The following RBM33 variants were observed in gnomAD, a reference collection of about 807,000 sequenced individuals.
RBM33 encodes the protein RNA binding motif protein 33.
RBM33 carries 28 observed loss-of-function variants against 132.6 expected under a neutral mutation model. That is an observed-to-expected ratio of 0.21 (90% CI 0.16 to 0.29). The LOEUF (loss-of-function observed/expected upper bound fraction) is 0.29, where lower values mean the gene tolerates loss of function less well. RBM33 is among the 10% of genes least tolerant of loss of function. The pLI is 1.00. For missense variants in RBM33, 1,291 were observed against 1,518.5 expected, an observed-to-expected ratio of 0.85 and a Z score of 2.49; for synonymous variants, 634 against 593.0, an observed-to-expected ratio of 1.07 and a Z score of -1.01.
rs1799308661 is a variant in RBM33 at position 155,680,528 on chromosome 7, T to C, written c.249-62T>C. Reference sequence around the variant, plus strand: ...ATCTTTGTAACAGCTATTTATATAATGATTTAGTTTGAGCTCCTCTCTTCA... The same window carrying C: ...ATCTTTGTAACAGCTATTTATATAACGATTTAGTTTGAGCTCCTCTCTTCA... On this transcript the variant is annotated intron_variant, in intron 4 of 17. Transcript: ENST00000401878. 2.6e-6 allele frequency: 3 copies of C among 1,139,874 alleles called. No individual in the cohort carries two copies. The East Asian group carries it at 7.7e-5, about 29-fold the overall frequency. The allele number at this position is 1,139,874 out of a possible 1,614,324, so 70.6% of individuals were successfully genotyped here.
intron 6 of RBM33, among the ~76,000 whole-genome samples, chr7:155,704,310 C>A (rs550727605): frequency 1.3e-5 from 2 of 152,240 alleles, no homozygotes; most frequent in African/African-American, 4.8e-5. Flanking sequence ...TTAAACCTTA[C>A]AGAAAAAGAT....
At chr7:155,683,787 GTTTA>G (rs2116928417) in intron 5 of RBM33, among the ~76,000 whole-genome samples, 1 of 152,266 alleles carries the variant, frequency 6.6e-6, no homozygotes, top group South Asian at 2.1e-4. Context: ...AGTGCAATCA[GTTTA>G]TTTAAGGCCT....
chr7:155,758,286 G>A (rs1308601109), intron 14 of RBM33, among the ~76,000 whole-genome samples: 1 of 152,180 alleles, frequency 6.6e-6, no homozygotes, highest in Non-Finnish European at 1.5e-5. Context: ...GATATCATTT[G>A]TTGCTATATA....
chr7:155,734,222 G>A (rs1263509370), intron 9 of RBM33, among the ~76,000 whole-genome samples: 5 of 152,244 alleles, frequency 3.3e-5, no homozygotes, highest in African/African-American at 2.4e-5. Context: ...GGCAGGCGGT[G>A]CTCCTCCTCC....
rs148732755 is a variant in RBM33, at chr7:155,693,263, C to T, written c.568-7510C>T. Among the ~76,000 whole-genome samples the T allele has an allele frequency of 4.0e-3, 610 of 151,854 alleles. 5 individuals carry two copies. Among genetic ancestry groups the T allele is most frequent in the African/African-American group, 0.014 (597 of 41,446 alleles). Reference sequence around the variant, plus strand: ...GACAGGGAAACATAAGGTGGTTAAACGCCGACCCTTGAATTTGGAAGGCAA... The same window carrying T: ...GACAGGGAAACATAAGGTGGTTAAATGCCGACCCTTGAATTTGGAAGGCAA... On this transcript the variant is annotated intron_variant, in intron 5 of 17. Transcript: ENST00000401878.
chr7:155,689,319 T>C (rs1030698946), intron 5 of RBM33, among the ~76,000 whole-genome samples: 3 of 152,210 alleles, frequency 2.0e-5, no homozygotes, highest in Admixed American at 6.5e-5. Context: ...GGTGGTGATA[T>C]CCGCTTTATC....
intron 14 of RBM33, among the ~76,000 whole-genome samples, chr7:155,748,398 AC>A (rs1801587757): frequency 6.6e-6 from 1 of 152,170 alleles, no homozygotes; most frequent in Admixed American, 6.5e-5. Flanking sequence ...CCATTCAAGA[AC>A]TTGTGCTCTG....
chr7:155,708,831 C>T (rs896387869), intron 7 of RBM33, among the ~76,000 whole-genome samples: 1 of 152,160 alleles, frequency 6.6e-6, no homozygotes, highest in South Asian at 2.1e-4. Flanking sequence ...TATTCACTCC[C>T]CATCCCAGAG....
chr7:155,673,940 G>GTTGTTGTTTTTTTT lies in RBM33; in HGVS notation c.171+1027_171+1028insGTTGTTTTTTTTTT. Among the ~76,000 whole-genome samples, 64 of 54,186 alleles carry GTTGTTGTTTTTTTT rather than the reference G, an allele frequency of 1.2e-3. 1 individual carries two copies. The highest frequency in any genetic ancestry group is 5.1e-3 in the African/African-American group (62 of 12,116). The allele number at this position is 54,186 out of a possible 152,430, so 35.5% of individuals were successfully genotyped here. On this transcript the variant is annotated intron_variant, in intron 3 of 17. Coordinates refer to ENST00000401878, the MANE Select transcript of RBM33 (RefSeq NM_053043.3). ...TCATTATCAAGATAGTTTAGGCTTA[G>GTTGTTGTTTTTTTT]TTTTTTTTTTTTTTTTTTTTTTTTT... is the stretch of plus-strand genomic sequence containing the variant.
rs200990819 is a variant in RBM33 at position 155,692,060 on chromosome 7, A to AAT, written c.568-8712_568-8711insTA. 4.2e-3 allele frequency among the ~76,000 whole-genome samples: 636 copies of AAT among 152,114 alleles called. 6 individuals carry two copies. Among genetic ancestry groups the AAT allele is most frequent in the African/African-American group, 0.015 (605 of 41,464 alleles). On this transcript the variant is annotated intron_variant, in intron 5 of 17. Transcript: ENST00000401878. ...AGTGAGACCCTCTGTCCAAAAAAAA[A>AAT]AAAAGAAAATTTTTTTTTTCTTTGA...
Position 155,776,005 on chromosome 7 carries a change from C to T in RBM33, c.*964C>T, listed in dbSNP as rs898570091. ...CCAGCAGGGCTGCCCTGTTCATCAGCGGATGTTCACTCTGGCCTGCCGTTC... is the reference window on the plus strand; with the variant it reads ...CCAGCAGGGCTGCCCTGTTCATCAGTGGATGTTCACTCTGGCCTGCCGTTC... On this transcript the variant is annotated 3_prime_UTR_variant, in exon 18 of 18. Transcript: ENST00000401878. The surrounding 1 kb of genome is among the most constrained non-coding windows in gnomAD (Gnocchi z 4.0). 1.3e-4 allele frequency: 20 copies of T among 152,316 alleles called. No individual in the cohort carries two copies. The highest frequency in any genetic ancestry group is 3.9e-4 in the African/African-American group (16 of 41,532). 9.4% of individuals were successfully genotyped at this position (152,316 alleles called of 1,614,324 possible). A position where few individuals can be genotyped will look rare whatever the true frequency, so the allele number is the denominator to read the frequency against.
At chr7:155,738,616 G>A (rs1388442093) in intron 11 of RBM33, 1 of 568,758 alleles carries the variant, frequency 1.8e-6, no homozygotes, top group African/African-American at 1.9e-5. Context: ...TCATTTTTTG[G>A]GAATTGAAAA....
intron 16 of RBM33, among the ~76,000 whole-genome samples, chr7:155,769,566 G>A (rs539761323): frequency 3.7e-4 from 56 of 152,200 alleles, no homozygotes; most frequent in Non-Finnish European, 4.3e-4. Flanking sequence ...TTTGCAGAGC[G>A]GATCTCAGCC....
chr7:155,718,994 T>C (rs1489048819), intron 9 of RBM33, among the ~76,000 whole-genome samples: 8 of 152,228 alleles, frequency 5.3e-5, no homozygotes, highest in African/African-American at 1.9e-4. Flanking sequence ...CATTCACTTA[T>C]ACACACACAG....
intron 2 of RBM33, among the ~76,000 whole-genome samples, chr7:155,665,854 G>A (rs574910316): frequency 1.6e-4 from 25 of 152,306 alleles, no homozygotes; most frequent in African/African-American, 5.8e-4. Flanking sequence ...ACACAGTGGG[G>A]CTTAATCTGG....
intron 5 of RBM33, among the ~76,000 whole-genome samples, chr7:155,682,003 C>T (rs1799350292): frequency 6.6e-6 from 1 of 151,974 alleles, no homozygotes; most frequent in Admixed American, 6.6e-5. Context: ...TCACTGCAAC[C>T]TCCACCTTCT....
At position 155,774,914 on chromosome 7, in the gene RBM33, C is replaced by T; in HGVS notation, c.3465-79C>T. 1 of 1,362,682 alleles carries T rather than the reference C, an allele frequency of 7.3e-7. No individual in the cohort carries two copies. Among genetic ancestry groups the T allele is most frequent in the Non-Finnish European group, 1.0e-6 (1 of 953,958 alleles). 84.4% of individuals were successfully genotyped at this position (1,362,682 alleles called of 1,614,324 possible). ...TTTATTAAACAGGACCCACCGGGCT[C>T]TTTTAGTTTCCTCCCACCTTGGTAG... is the stretch of plus-strand genomic sequence containing the variant. On this transcript the variant is annotated intron_variant, in intron 17 of 17. Coordinates refer to ENST00000401878, the MANE Select transcript of RBM33 (RefSeq NM_053043.3). This position sits in a 1 kb window ranked among gnomAD's most constrained non-coding sequence, Gnocchi z 4.2.
chr7:155,739,930 G>T lies in RBM33; in HGVS notation c.1953G>T (p.Pro651=), dbSNP rs750565338. Residue 651 remains proline, a synonymous_variant, in exon 12 of 18, where the codon CCG becomes CCT. Transcript: ENST00000401878. The part of the protein sequence containing the change: ...HLSVPPPPLM[P]MSQPQFRPHV... ...CCGTCCCGCCCCCTCCTTTGATGCC[G>T]ATGTCTCAGCCACAGTTCCGGCCTC... The T allele has an allele frequency of 6.4e-7, 1 of 1,551,404 alleles. No homozygotes were observed. The highest frequency in any genetic ancestry group is 1.2e-5 in the South Asian group (1 of 84,038).
In RBM33 at chr7:155,742,207, T is replaced by G. The variant is rs983685204; in HGVS notation, c.2337+101T>G. ...CTCTCACTAAGTTATTCACAAAATCTTCCCACTTTTTTCACCTGGGTCTTT... is the reference window on the plus strand; with the variant it reads ...CTCTCACTAAGTTATTCACAAAATCGTCCCACTTTTTTCACCTGGGTCTTT... On this transcript the variant is annotated intron_variant, in intron 13 of 17. Transcript: ENST00000401878. The G allele has an allele frequency of 1.7e-5, 20 of 1,158,376 alleles. No individual in the cohort carries two copies. In the African/African-American group the frequency reaches 2.9e-4, roughly 17 times the overall value. 71.8% of individuals were successfully genotyped at this position (1,158,376 alleles called of 1,614,324 possible).
Sources: allele counts gnomAD v4.1 joint callset (sites outside exome capture counted in the v4.1 genomes callset), GRCh38; gene constraint gnomAD v4.1.1; non-coding constraint Gnocchi (gnomAD v3.1); transcripts MANE v1.5; gene names NCBI Gene and HGNC (gene_info 2026-07-23, HGNC 2026-07-21).